Variants in SYN3 observed in about 807,000 individuals in gnomAD.
The protein encoded by SYN3 is synapsin-3.
Under a neutral mutation model 65.8 loss-of-function variants are expected in SYN3, and 35 were observed. The ratio of observed to expected loss-of-function variants is 0.53; its 90% CI spans 0.41 to 0.70. The LOEUF (loss-of-function observed/expected upper bound fraction) is 0.70. Among genes scored for constraint, SYN3 ranks in the 30% least tolerant of loss-of-function variants. SYN3 has a pLI of 0.00. For missense variants in SYN3, 680 were observed against 749.0 expected (o/e 0.91, Z 1.08); for synonymous variants, 270 against 292.9 (o/e 0.92, Z 0.80).
intron 7 of SYN3, among the ~76,000 whole-genome samples, chr22:32,549,970 G>A (rs113369183): frequency 2.6e-5 from 4 of 152,052 alleles, no homozygotes; most frequent in African/African-American, 9.7e-5. Context: ...GGGAGGTGAC[G>A]GGGATGGAGG....
At chr22:32,659,854 C>T (rs1489436972) in intron 6 of SYN3, among the ~76,000 whole-genome samples, 1 of 152,170 alleles carries the variant, frequency 6.6e-6, no homozygotes, top group Non-Finnish European at 1.5e-5. Flanking sequence ...GGTGAAGTCA[C>T]TGTGTCTCCC....
At chr22:33,045,437 A>G (rs935687907) in intron 1 of SYN3, among the ~76,000 whole-genome samples, 3 of 141,742 alleles carry the variant, frequency 2.1e-5, no homozygotes, top group African/African-American at 7.9e-5. Context: ...CATCTCATTC[A>G]TCAACCAGGT....
intron 7 of SYN3, among the ~76,000 whole-genome samples, chr22:32,571,142 A>G (rs563693943): frequency 9.8e-4 from 149 of 152,310 alleles, no homozygotes; most frequent in African/African-American, 3.5e-3. Context: ...TACAGGAGGC[A>G]GTCTGAGGAA....
intron 4 of SYN3, among the ~76,000 whole-genome samples, chr22:32,883,206 C>T (rs541152527): frequency 6.6e-6 from 1 of 152,236 alleles, no homozygotes; most frequent in Non-Finnish European, 1.5e-5. Flanking sequence ...GTGGACCCTG[C>T]CCTCCCTGCT....
rs373968211 is a variant in SYN3 at position 32,585,904 on chromosome 22, GTGTATGTAT to G, written c.774+10761_774+10769del. The stretch of plus-strand genomic sequence containing the variant: ...TATATACGTATATATACGTATATAT[GTGTATGTAT>G]ACATATATGTGTATATACGTATATG... On this transcript the variant is annotated intron_variant, in intron 7 of 13. Coordinates refer to ENST00000358763, the MANE Select transcript of SYN3 (RefSeq NM_003490.4). Among the ~76,000 whole-genome samples, 73 of 61,454 alleles carry G rather than the reference GTGTATGTAT, an allele frequency of 1.2e-3. No individual in the cohort carries two copies. In the East Asian group the frequency reaches 0.028, roughly 24 times the overall value. The allele number at this position is 61,454 out of a possible 152,430, so 40.3% of individuals were successfully genotyped here. A position where few individuals can be genotyped will look rare whatever the true frequency, so the allele number is the denominator to read the frequency against.
intron 6 of SYN3, among the ~76,000 whole-genome samples, chr22:32,724,858 C>T (rs901131727): frequency 3.3e-5 from 5 of 152,116 alleles, no homozygotes; most frequent in African/African-American, 7.2e-5. Context: ...CGGTGGCTCA[C>T]GCCTGTAATC....
intron 3 of SYN3, among the ~76,000 whole-genome samples, chr22:32,974,739 C>T (rs1187152641): frequency 1.3e-5 from 2 of 152,124 alleles, no homozygotes; most frequent in Admixed American, 1.3e-4. Flanking sequence ...CCTGAAGTGA[C>T]ATCAGGTTTT....
intron 6 of SYN3, among the ~76,000 whole-genome samples, chr22:32,853,975 G>A (rs1433939955): frequency 2.0e-5 from 3 of 152,150 alleles, no homozygotes; most frequent in Non-Finnish European, 2.9e-5. Context: ...GATCTCCATG[G>A]CATTGGTTTG....
chr22:32,630,682 C>T (rs1390645754), intron 6 of SYN3, among the ~76,000 whole-genome samples: 2 of 152,104 alleles, frequency 1.3e-5, no homozygotes, highest in East Asian at 3.9e-4. Flanking sequence ...GCTATGTGAC[C>T]AACACTTAAT....
At chr22:32,599,763 C>T (rs1381790823) in intron 6 of SYN3, among the ~76,000 whole-genome samples, 2 of 152,114 alleles carry the variant, frequency 1.3e-5, no homozygotes, top group African/African-American at 4.8e-5. Context: ...AAATCAATTG[C>T]GTGGGCACGA....
intron 6 of SYN3, among the ~76,000 whole-genome samples, chr22:32,747,200 C>T (rs775072546): frequency 2.0e-5 from 3 of 152,004 alleles, no homozygotes; most frequent in East Asian, 1.9e-4. Flanking sequence ...TCAGACAAGT[C>T]GGACAAGACT....
At chr22:32,635,354 G>A (rs533940690) in intron 6 of SYN3, among the ~76,000 whole-genome samples, 27 of 151,926 alleles carry the variant, frequency 1.8e-4, no homozygotes, top group Non-Finnish European at 3.1e-4. Context: ...GCTGTATTCG[G>A]CCTGTATTTG....
At chr22:32,610,489 TTC>T (rs2059427293) in intron 6 of SYN3, among the ~76,000 whole-genome samples, 1 of 152,238 alleles carries the variant, frequency 6.6e-6, no homozygotes, top group Non-Finnish European at 1.5e-5. Context: ...GATTTCCCTA[TTC>T]TGGACATTTC....
intron 6 of SYN3, among the ~76,000 whole-genome samples, chr22:32,852,659 C>T (rs1326642086): frequency 6.6e-6 from 1 of 152,140 alleles, no homozygotes; most frequent in Non-Finnish European, 1.5e-5. Flanking sequence ...GGAAGGCAGG[C>T]AGACCTTCTC....
chr22:32,998,546 TCCAGAGG>T (rs1439222192), intron 2 of SYN3, among the ~76,000 whole-genome samples: 5 of 152,014 alleles, frequency 3.3e-5, no homozygotes, highest in African/African-American at 7.3e-5. Flanking sequence ...GAGCCAGGGC[TCCAGAGG>T]CCACCCAGGG....
chr22:32,642,846 T>C (rs1250240214), intron 6 of SYN3, among the ~76,000 whole-genome samples: 1 of 152,154 alleles, frequency 6.6e-6, no homozygotes, highest in African/African-American at 2.4e-5. Context: ...CTTGAGCCAC[T>C]GTGCTTGGCC....
At chr22:32,851,175 A>G (rs1433729723) in intron 6 of SYN3, among the ~76,000 whole-genome samples, 1 of 152,164 alleles carries the variant, frequency 6.6e-6, no homozygotes, top group Non-Finnish European at 1.5e-5. Context: ...TCTGGCAGAC[A>G]GCGCGGGAAT....
At chr22:32,777,215 T>C (rs1391485168) in intron 6 of SYN3, among the ~76,000 whole-genome samples, 2 of 152,138 alleles carry the variant, frequency 1.3e-5, no homozygotes, top group Non-Finnish European at 1.5e-5. Flanking sequence ...ACAGCTAGTA[T>C]ATTCTATCGA....
intron 6 of SYN3, among the ~76,000 whole-genome samples, chr22:32,762,221 G>A (rs556586433): frequency 1.6e-4 from 24 of 152,114 alleles, no homozygotes; most frequent in African/African-American, 5.5e-4. Flanking sequence ...CAGTGGGCTG[G>A]GACTGGCATC....
Sources: allele counts gnomAD v4.1 joint callset (sites outside exome capture counted in the v4.1 genomes callset), GRCh38; gene constraint gnomAD v4.1.1; transcripts MANE v1.5; gene names NCBI Gene and HGNC (gene_info 2026-07-23, HGNC 2026-07-21).